Variants in GRM3 observed in about 807,000 individuals in gnomAD.
The protein encoded by GRM3 is glutamate metabotropic receptor 3.
GRM3 carries 26 observed loss-of-function variants against 70.5 expected under a neutral mutation model. The observed-to-expected ratio is 0.37, with a 90% CI of 0.27 to 0.51. The LOEUF (loss-of-function observed/expected upper bound fraction) is 0.51. Ranked by LOEUF, GRM3 falls within the 20% of genes least tolerant of loss-of-function variation. GRM3 has a pLI of 0.93. For missense variants in GRM3, 859 were observed against 1,123.8 expected (o/e 0.76, Z 3.37); for synonymous variants, 443 against 434.9 (o/e 1.02, Z -0.23).
intron 1 of GRM3, among the ~76,000 whole-genome samples, chr7:86,730,821 A>G (rs1465243636): frequency 6.6e-6 from 1 of 152,156 alleles, no homozygotes; most frequent in Non-Finnish European, 1.5e-5. Context: ...GGTCACTTCT[A>G]ATCTTCTACT....
chr7:86,736,555 C>T (rs974048484), intron 1 of GRM3, among the ~76,000 whole-genome samples: 8 of 152,252 alleles, frequency 5.3e-5, no homozygotes, highest in South Asian at 4.1e-4. Context: ...TTAAGGGAAA[C>T]GTAGCAATTC....
At chr7:86,802,734 G>A (rs928772169) in intron 3 of GRM3, among the ~76,000 whole-genome samples, 1 of 152,064 alleles carries the variant, frequency 6.6e-6, no homozygotes, top group Non-Finnish European at 1.5e-5. Flanking sequence ...TAAATTGGTT[G>A]AAGAAATGAG....
chr7:86,800,189 A>G (rs890154271), intron 3 of GRM3, among the ~76,000 whole-genome samples: 3 of 152,224 alleles, frequency 2.0e-5, no homozygotes, highest in Admixed American at 1.3e-4. Context: ...TCAAAAAGCT[A>G]TGAGGATCTC....
chr7:86,721,660 C>T (rs1795467012), intron 1 of GRM3, among the ~76,000 whole-genome samples: 1 of 152,006 alleles, frequency 6.6e-6, no homozygotes, highest in African/African-American at 2.4e-5. Context: ...TATCATCGAG[C>T]CAAAGGGGTT....
At chr7:86,820,814 G>T (rs1192617029) in intron 3 of GRM3, among the ~76,000 whole-genome samples, 1 of 152,124 alleles carries the variant, frequency 6.6e-6, no homozygotes, top group African/African-American at 2.4e-5. Context: ...GCATGTTCAA[G>T]CTTCTTGAGA....
chr7:86,644,949 C>A, intron 1 of GRM3, 77 bp downstream of exon 1: 2 of 728,000 alleles, frequency 2.7e-6, no homozygotes. Flanking sequence ...CCGCGTGGGG[C>A]AGGCGCAGCC....
intron 3 of GRM3, among the ~76,000 whole-genome samples, chr7:86,828,010 G>C (rs1798275487): frequency 6.6e-6 from 1 of 151,630 alleles, no homozygotes; most frequent in Admixed American, 6.6e-5. Context: ...TACTCGGGAG[G>C]CTGAGGCGGG....
intron 3 of GRM3, among the ~76,000 whole-genome samples, chr7:86,801,065 T>TTC (rs2116619011): frequency 1.6e-5 from 1 of 64,170 alleles, no homozygotes; most frequent in African/African-American, 9.1e-5. Flanking sequence ...AAACTTCTTC[T>TTC]TTTTTTTTTT....
intron 1 of GRM3, among the ~76,000 whole-genome samples, chr7:86,689,650 T>A (rs1794651854): frequency 6.6e-6 from 1 of 152,034 alleles, no homozygotes; most frequent in African/African-American, 2.4e-5. Context: ...GAAAAAAATA[T>A]AAGATACTGG....
At chr7:86,730,918 G>T (rs1260955292) in intron 1 of GRM3, among the ~76,000 whole-genome samples, 2 of 152,126 alleles carry the variant, frequency 1.3e-5, no homozygotes, top group South Asian at 4.2e-4. Context: ...CTATCACTAT[G>T]TCTTGACAAA....
At chr7:86,831,241 GCT>G (rs1215939144) in intron 3 of GRM3, among the ~76,000 whole-genome samples, 50 of 152,196 alleles carry the variant, frequency 3.3e-4, no homozygotes, top group African/African-American at 1.1e-3. Flanking sequence ...AACTGGTAAT[GCT>G]CTGTTTCTTA....
At chr7:86,730,896 T>G (rs911260897) in intron 1 of GRM3, among the ~76,000 whole-genome samples, 1 of 152,200 alleles carries the variant, frequency 6.6e-6, no homozygotes, top group African/African-American at 2.4e-5. Context: ...TAAGACAATT[T>G]AATAGGGTCA....
At chr7:86,815,516 AC>A (rs1321077707) in intron 3 of GRM3, among the ~76,000 whole-genome samples, 1 of 151,942 alleles carries the variant, frequency 6.6e-6, no homozygotes, top group Non-Finnish European at 1.5e-5. Context: ...TCAAGTTTCT[AC>A]CATCATATGC....
chr7:86,861,266 C>A (rs952166292), intron 5 of GRM3, among the ~76,000 whole-genome samples: 1 of 152,124 alleles, frequency 6.6e-6, no homozygotes, highest in Non-Finnish European at 1.5e-5. Context: ...TTGAAACTTC[C>A]ATTGGTTTCC....
intron 5 of GRM3, among the ~76,000 whole-genome samples, chr7:86,853,089 G>A (rs1178034110): frequency 6.6e-6 from 1 of 152,132 alleles, no homozygotes; most frequent in Non-Finnish European, 1.5e-5. Context: ...GCCCCATGAA[G>A]CTTGGTGTCT....
chr7:86,693,218 C>T (rs1231135080), intron 1 of GRM3, among the ~76,000 whole-genome samples: 1 of 152,120 alleles, frequency 6.6e-6, no homozygotes, highest in East Asian at 1.9e-4. Flanking sequence ...CAATCAAAAC[C>T]CTTTGAGGCA....
chr7:86,703,162 A>G (rs1794982875), intron 1 of GRM3, among the ~76,000 whole-genome samples: 1 of 151,928 alleles, frequency 6.6e-6, no homozygotes, highest in Non-Finnish European at 1.5e-5. Flanking sequence ...ACATTTCTTA[A>G]GTCAATGTTT....
intron 3 of GRM3, among the ~76,000 whole-genome samples, chr7:86,791,061 T>C (rs10234440): frequency 0.15 from 22,739 of 152,186 alleles, 1,910 homozygotes; most frequent in Middle Eastern, 0.26. Context: ...CACAAATGCA[T>C]CCCAAGCATA....
chr7:86,648,364 G>A (rs1793528400), intron 1 of GRM3, among the ~76,000 whole-genome samples: 1 of 152,118 alleles, frequency 6.6e-6, no homozygotes, highest in Non-Finnish European at 1.5e-5. Flanking sequence ...CCCTGTCAAC[G>A]CCCACACTAC....
Sources: allele counts gnomAD v4.1 joint callset (sites outside exome capture counted in the v4.1 genomes callset), GRCh38; gene constraint gnomAD v4.1.1; transcripts MANE v1.5; gene names NCBI Gene and HGNC (gene_info 2026-07-23, HGNC 2026-07-21).